ZNF83: variants seen among roughly 807,000 people sequenced by gnomAD.
ZNF83 encodes zinc finger protein 83, also known as zinc finger protein 816B.
For synonymous variants in ZNF83, 209 were observed against 213.0 expected, an observed-to-expected ratio of 0.98 and a Z score of 0.17; for missense variants, 552 against 629.9, an observed-to-expected ratio of 0.88 and a Z score of 1.32.
At chr19:52,689,108 ATATGT>A (rs954101986) in intron 1 of ZNF83, among the ~76,000 whole-genome samples, 1 of 152,090 alleles carries the variant, frequency 6.6e-6, no homozygotes, top group Admixed American at 6.6e-5. Flanking sequence ...AGGTCACAAG[ATATGT>A]TATGCTATAG....
chr19:52,633,032 TAAG>T (rs2061025092), intron 2 of ZNF83, among the ~76,000 whole-genome samples: 1 of 152,188 alleles, frequency 6.6e-6, no homozygotes. Context: ...CTTATTAATA[TAAG>T]AAGACAGGAA....
intron 1 of ZNF83, among the ~76,000 whole-genome samples, chr19:52,665,510 T>C (rs1291560188): frequency 6.6e-6 from 1 of 152,246 alleles, no homozygotes; most frequent in African/African-American, 2.4e-5. Flanking sequence ...ACTTGTTAGA[T>C]ATGAGTTCTA....
At chr19:52,683,290 G>A (rs954567135) in intron 1 of ZNF83, among the ~76,000 whole-genome samples, 16 of 149,418 alleles carry the variant, frequency 1.1e-4, no homozygotes, top group African/African-American at 2.7e-4. Context: ...GTATGCTCAC[G>A]TGTTGTGACA....
intron 1 of ZNF83, among the ~76,000 whole-genome samples, chr19:52,677,791 T>G (rs1376445020): frequency 6.6e-6 from 1 of 151,986 alleles, no homozygotes; most frequent in Non-Finnish European, 1.5e-5. Flanking sequence ...CCCAACACTT[T>G]GGGAAGTGGA....
intron 3 of ZNF83, chr19:52,652,151 T>C (rs1600230283): frequency 4.4e-6 from 1 of 225,072 alleles, no homozygotes; most frequent in Admixed American, 5.4e-5. Context: ...AGTAAAGACA[T>C]TGCCACACTG....
At chr19:52,638,860 G>C (rs2061242308), upstream of ZNF83, among the ~76,000 whole-genome samples, 1 of 152,170 alleles carries the variant, frequency 6.6e-6, no homozygotes. Context: ...GCGCGGGAGT[G>C]GGAGCCTGAG....
intron 3 of ZNF83, chr19:52,654,305 GATGACTTTT>G: frequency 6.6e-7 from 1 of 1,509,536 alleles, no homozygotes; most frequent in Admixed American, 1.7e-5. Flanking sequence ...TCTCCAATGT[GATGACTTTT>G]ATGTCTTTGC....
At chr19:52,686,439 C>T (rs2062016022) in intron 1 of ZNF83, among the ~76,000 whole-genome samples, 1 of 143,246 alleles carries the variant, frequency 7.0e-6, no homozygotes. Context: ...TTTTCTCAAA[C>T]TCCAACTGCA....
chr19:52,620,684 G>A (rs138178499), intron 2 of ZNF83, among the ~76,000 whole-genome samples: 250 of 152,318 alleles, frequency 1.6e-3, no homozygotes, highest in African/African-American at 5.7e-3. Context: ...GACACTAGGC[G>A]TCAGGCCTCT....
Position 52,681,682 on chromosome 19 carries a change from G to C in ZNF83, c.-283+8761C>G, listed in dbSNP as rs1156368100. ...ACTGAATCCAGATGTCTGGGATTCA[G>C]ATTTGAATATAACCACCTAAGTAAA... On this transcript the variant is annotated intron_variant, in intron 1 of 5. Coordinates refer to the ZNF83 transcript ENST00000594682. 2.0e-5 allele frequency among the ~76,000 whole-genome samples: 3 copies of C among 152,098 alleles called. No homozygotes were observed. In the South Asian group the frequency reaches 6.2e-4, roughly 31 times the overall value.
At chr19:52,676,438 G>A (rs569528859) in intron 1 of ZNF83, among the ~76,000 whole-genome samples, 178 of 151,822 alleles carry the variant, frequency 1.2e-3, no homozygotes, top group African/African-American at 4.0e-3. Context: ...CTGCCTGGCC[G>A]CCCATGTCTG....
chr19:52,652,364 G>A (rs1048244374), intron 3 of ZNF83: 42 of 314,952 alleles, frequency 1.3e-4, no homozygotes, highest in African/African-American at 8.7e-4. Context: ...GAACCTGGGA[G>A]GTGGAGGTTG....
At position 52,618,738 on chromosome 19, in the gene ZNF83, C is replaced by T. The variant is rs112244216; in HGVS notation, c.-233-3941G>A. The T allele has an allele frequency of 1.2e-4, 130 of 1,047,898 alleles. No homozygotes were observed. In the East Asian group the frequency reaches 1.4e-3, roughly 12 times the overall value. 64.9% of individuals were successfully genotyped at this position (1,047,898 alleles called of 1,614,324 possible). On this transcript the variant is annotated intron_variant, in intron 2 of 2. Coordinates refer to ENST00000301096, the Ensembl canonical transcript of ZNF83. ...GCCTTCTTTACTTCTGGAACCCCCA[C>T]TGAGCTATCATGAAGAACGCAGAAC...
chr19:52,652,093 T>C (rs1281524342), intron 3 of ZNF83: 1 of 241,200 alleles, frequency 4.1e-6, no homozygotes, highest in Non-Finnish European at 8.2e-6. Context: ...ATTTGTAAGA[T>C]TTCTGTCCAG....
intron 1 of ZNF83, among the ~76,000 whole-genome samples, chr19:52,684,795 G>GA (rs998851711): frequency 3.3e-5 from 5 of 150,874 alleles, no homozygotes; most frequent in Admixed American, 6.6e-5. Flanking sequence ...TGGTGTTTGG[G>GA]AAAAAAAAAA....
At chr19:52,629,470 G>A (rs1291674331) in intron 2 of ZNF83, among the ~76,000 whole-genome samples, 3 of 152,008 alleles carry the variant, frequency 2.0e-5, no homozygotes, top group Non-Finnish European at 4.4e-5. Context: ...GCCAGGCCGA[G>A]CTAGGTCCCA....
intron 1 of ZNF83, among the ~76,000 whole-genome samples, chr19:52,666,272 A>AAG (rs574556973): frequency 1.3e-5 from 2 of 151,832 alleles, no homozygotes; most frequent in South Asian, 4.2e-4. Context: ...AGAGTCAGAA[A>AAG]AGAGAGAGAG....
chr19:52,682,452 C>T (rs1277175761), intron 1 of ZNF83, among the ~76,000 whole-genome samples: 1 of 152,014 alleles, frequency 6.6e-6, no homozygotes, highest in African/African-American at 2.4e-5. Flanking sequence ...GTGGGCAGAT[C>T]ACAAGGTCAG....
chr19:52,639,931 T>C (rs887601679), upstream of ZNF83, among the ~76,000 whole-genome samples: 2 of 152,176 alleles, frequency 1.3e-5, no homozygotes, highest in African/African-American at 4.8e-5. Context: ...TTCACTGTTC[T>C]ATACAACCCA....
Sources: allele counts gnomAD v4.1 joint callset (sites outside exome capture counted in the v4.1 genomes callset), GRCh38; gene constraint gnomAD v4.1.1; transcripts MANE v1.5; gene names NCBI Gene and HGNC (gene_info 2026-07-23, HGNC 2026-07-21).